Variants in SULT4A1 observed in about 807,000 individuals in gnomAD.
SULT4A1 encodes sulfotransferase 4A1.
A neutral mutation model predicts 35.2 loss-of-function variants in SULT4A1; 11 were observed. That is an observed-to-expected ratio of 0.31 (90% confidence interval 0.20 to 0.52). SULT4A1 has a LOEUF of 0.52. SULT4A1 is among the 20% of genes least tolerant of loss of function. SULT4A1 has a pLI of 0.97. For synonymous variants in SULT4A1, 152 were observed against 151.8 expected, an observed-to-expected ratio of 1.00 and a Z score of -0.01; for missense variants, 271 against 383.7, an observed-to-expected ratio of 0.71 and a Z score of 2.45.
intron 4 of SULT4A1, among the ~76,000 whole-genome samples, chr22:43,837,017 G>C (rs2063382805): frequency 6.6e-6 from 1 of 152,288 alleles, no homozygotes; most frequent in African/African-American, 2.4e-5. Context: ...GCTCACGCGT[G>C]GTTGTTTATG....
intron 1 of SULT4A1, among the ~76,000 whole-genome samples, chr22:43,844,796 TG>T (rs1215235594): frequency 2.6e-5 from 4 of 152,124 alleles, no homozygotes; most frequent in Admixed American, 2.0e-4. Flanking sequence ...GTGCACACCC[TG>T]GGATGCACGG....
In SULT4A1 at chr22:43,848,597, G is replaced by A. The variant is rs528534729; in HGVS notation, c.170-6665C>T. 5.9e-5 allele frequency among the ~76,000 whole-genome samples: 9 copies of A among 152,346 alleles called. No individual in the cohort carries two copies. In the East Asian group the frequency reaches 1.7e-3, roughly 29 times the overall value. On this transcript the variant is annotated intron_variant, in intron 1 of 6. Transcript: ENST00000330884. ...GGGGGCCACGCCTGGAGCTGGAGTC[G>A]CTTCCCAGCAGGGCCAGGTGGGGCC... is the stretch of plus-strand genomic sequence containing the variant.
chr22:43,862,254 C>A lies in SULT4A1; in HGVS notation c.129G>T (p.Val43=). 1.3e-6 allele frequency: 2 copies of A among 1,569,630 alleles called. No homozygotes were observed. The highest frequency in any genetic ancestry group is 1.7e-6 in the Non-Finnish European group (2 of 1,157,294). ...TGACGATCCACACGTCGCTGGGCCG[C>A]ACCGGGAAGTTGGCGATCTCCTCCA... ...GKMEEIANFP[V]RPSDVWIVTY... Residue 43 remains valine, a synonymous_variant, in exon 1 of 7, where the codon GTG becomes GTT. Transcript: ENST00000330884.
intron 2 of SULT4A1, 80 bp downstream of exon 2, chr22:43,841,722 G>A: frequency 1.9e-6 from 3 of 1,551,208 alleles, no homozygotes; most frequent in Non-Finnish European, 2.6e-6. Flanking sequence ...GAGCCCCCAG[G>A]AGCAACTGTC....
At chr22:43,833,040 A>G (rs2063335990) in intron 5 of SULT4A1, among the ~76,000 whole-genome samples, 3 of 152,026 alleles carry the variant, frequency 2.0e-5, no homozygotes, top group Non-Finnish European at 4.4e-5. Context: ...GCAACCTCAC[A>G]GTCCACATCT....
chr22:43,837,402 T>C (rs1045062817), intron 4 of SULT4A1, among the ~76,000 whole-genome samples: 1 of 152,188 alleles, frequency 6.6e-6, no homozygotes, highest in Non-Finnish European at 1.5e-5. Context: ...GTTGTCCCCA[T>C]GCTCTGCAGA....
In SULT4A1 at chr22:43,833,672, C is replaced by G; in HGVS notation, c.571G>C (p.Val191Leu). The change falls in exon 5 of 7, where the codon GTG becomes CTG. Residue 191 changes from valine to leucine, a missense_variant. By Grantham distance (32) the Val-to-Leu change is conservative. Around this residue, in one of 3 missense-constraint regions of SULT4A1, gnomAD observed 75 missense variants for 67.7 expected, o/e 1.11. Coordinates refer to ENST00000330884, the MANE Select transcript of SULT4A1 (RefSeq NM_014351.4). ...ATGTCTTCATACTTGAGAAAAAGCA[C>G]GTTCGAGTCCATGCGGTGCTCCCAG... ...EFWEHRMDSN[V>L]LFLKYEDMHR... 1 of 1,595,430 alleles carries G rather than the reference C, an allele frequency of 6.3e-7. No homozygotes were observed. Among genetic ancestry groups the G allele is most frequent in the Non-Finnish European group, 8.5e-7 (1 of 1,170,806 alleles).
chr22:43,849,526 G>A (rs988511559), intron 1 of SULT4A1, among the ~76,000 whole-genome samples: 2 of 152,186 alleles, frequency 1.3e-5, no homozygotes, highest in Admixed American at 1.3e-4. Context: ...ACATCGGACA[G>A]AAGCAGTGTG....
chr22:43,841,123 C>T (rs1199359365), intron 2 of SULT4A1, among the ~76,000 whole-genome samples: 1 of 152,370 alleles, frequency 6.6e-6, no homozygotes, highest in Non-Finnish European at 1.5e-5. Flanking sequence ...CAGATGGTTC[C>T]GCACGGACAA....
At chr22:43,859,287 C>A (rs2049438957) in intron 1 of SULT4A1, among the ~76,000 whole-genome samples, 1 of 152,226 alleles carries the variant, frequency 6.6e-6, no homozygotes, top group Non-Finnish European at 1.5e-5. Context: ...TTTTAATGAG[C>A]AAACTGAGGT....
Position 43,862,293 on chromosome 22 carries a change from G to A in SULT4A1, c.90C>T (p.Phe30=), listed in dbSNP as rs2049481109. Residue 30 remains phenylalanine (F), a synonymous_variant, in exon 1 of 7, where the codon TTC becomes TTT. Coordinates refer to ENST00000330884, the MANE Select transcript of SULT4A1 (RefSeq NM_014351.4). The part of the protein sequence containing the change: ...FEFHGVRLPP[F]CRGKMEEIAN... The stretch of plus-strand genomic sequence containing the variant: ...CGATCTCCTCCATCTTCCCGCGGCA[G>A]AAGGGCGGCAGCCGCACGCCATGGA... 2 of 1,572,200 alleles carry A rather than the reference G, an allele frequency of 1.3e-6. No individual in the cohort carries two copies. Among genetic ancestry groups the A allele is most frequent in the Non-Finnish European group, 8.6e-7 (1 of 1,158,430 alleles).
At chr22:43,829,647 C>T (rs2148276859) in intron 5 of SULT4A1, among the ~76,000 whole-genome samples, 1 of 152,334 alleles carries the variant, frequency 6.6e-6, no homozygotes. Context: ...GGGCAGGGAG[C>T]CCGCTTCATC....
intron 5 of SULT4A1, among the ~76,000 whole-genome samples, chr22:43,831,480 G>A (rs2063325621): frequency 1.3e-5 from 2 of 152,258 alleles, no homozygotes; most frequent in Middle Eastern, 3.4e-3. Flanking sequence ...GGCCCGATAA[G>A]CACAAGTGCT....
At chr22:43,837,884 T>C (rs2063390213) in intron 4 of SULT4A1, among the ~76,000 whole-genome samples, 1 of 152,204 alleles carries the variant, frequency 6.6e-6, no homozygotes, top group Admixed American at 6.5e-5. Context: ...GAGCCCCCGA[T>C]AAGCCACACT....
intron 1 of SULT4A1, among the ~76,000 whole-genome samples, chr22:43,858,643 G>A (rs1352940220): frequency 6.6e-6 from 1 of 152,124 alleles, no homozygotes; most frequent in East Asian, 1.9e-4. Flanking sequence ...AAAGCTCAAA[G>A]GGCTCCGCAT....
chr22:43,847,941 G>A (rs934757548), intron 1 of SULT4A1, among the ~76,000 whole-genome samples: 2 of 152,254 alleles, frequency 1.3e-5, no homozygotes, highest in African/African-American at 4.8e-5. Context: ...GAGGCCAGAA[G>A]TCCCAAAGTC....
Position 43,838,977 on chromosome 22 carries a change from C to T in SULT4A1, c.398G>A (p.Arg133His), listed in dbSNP as rs758590711. Residue 133 changes from arginine (R) to histidine (H), a missense_variant, in exon 4 of 7, where the codon CGC becomes CAC. By Grantham distance (29) the Arg-to-His change is conservative (BLOSUM62 0). Transcript: ENST00000330884. ...NGDSKVIYMA[R>H]NPKDLVVSYY... ...AGACACCACCAGATCCTTGGGGTTG[C>T]GAGCCATATAGATGACCTGTGGGTG... The T allele has an allele frequency of 3.1e-6, 5 of 1,613,934 alleles. No individual in the cohort carries two copies. The highest frequency in any genetic ancestry group is 4.2e-6 in the Non-Finnish European group (5 of 1,179,956).
rs143415514 is a variant in SULT4A1 at position 43,828,862 on chromosome 22, G to C, written c.742+198C>G. The C allele has an allele frequency of 6.8e-3, 3,542 of 520,184 alleles. 27 individuals are homozygous for C. Among genetic ancestry groups the C allele is most frequent in the Middle Eastern group, 0.031 (63 of 2,004 alleles). The allele number at this position is 520,184 out of a possible 1,614,324, so 32.2% of individuals were successfully genotyped here. A position where few individuals can be genotyped will look rare whatever the true frequency, so the allele number is the denominator to read the frequency against. ...AGGCAATGCAAACACCAGCGGGCAG[G>C]GTACTCCGTCACTCCATGAGCACTG... On this transcript the variant is annotated intron_variant, in intron 6 of 6. Coordinates refer to ENST00000330884, the MANE Select transcript of SULT4A1 (RefSeq NM_014351.4).
intron 5 of SULT4A1, among the ~76,000 whole-genome samples, chr22:43,831,464 G>C (rs1227721740): frequency 5.3e-5 from 8 of 152,138 alleles, no homozygotes; most frequent in Non-Finnish European, 1.2e-4. Context: ...TCCACTCCTG[G>C]GTATGGGCCC....
Sources: gnomAD v4.1 joint callset for allele counts (sites outside exome capture counted in the v4.1 genomes callset) on GRCh38, gnomAD v4.1.1 for gene constraint, gnomAD v4.1.1 regional missense constraint, MANE v1.5 for transcripts, NCBI Gene and HGNC (gene_info 2026-07-23, HGNC 2026-07-21) for gene names.